SOX5: variants seen among roughly 807,000 people sequenced by gnomAD.
The protein encoded by SOX5 is transcription factor SOX-5.
A neutral mutation model predicts 92.0 loss-of-function variants in SOX5; 9 were observed. The observed-to-expected ratio is 0.10, with a 90% confidence interval of 0.06 to 0.17. SOX5 has a LOEUF of 0.17. Among genes scored for constraint, SOX5 ranks in the 10% least tolerant of loss-of-function variants. SOX5 has a pLI of 1.00. For missense variants in SOX5, 642 were observed against 944.5 expected, an observed-to-expected ratio of 0.68 and a Z score of 4.20; for synonymous variants, 344 against 336.3, an observed-to-expected ratio of 1.02 and a Z score of -0.25.
At chr12:24,106,200 A>AC (rs1177494896) in intron 4 of SOX5, among the ~76,000 whole-genome samples, 4 of 152,188 alleles carry the variant, frequency 2.6e-5, no homozygotes, top group African/African-American at 9.6e-5. Context: ...GAAAAAAAAA[A>AC]AAAAATTAGC....
chr12:24,395,164 T>C (rs1237374830), intron 1 of SOX5, among the ~76,000 whole-genome samples: 1 of 152,058 alleles, frequency 6.6e-6, no homozygotes, highest in Non-Finnish European at 1.5e-5. Context: ...TTACCTAAAA[T>C]GTCCTACCAC....
intron 2 of SOX5, among the ~76,000 whole-genome samples, chr12:24,306,434 A>T (rs910053351): frequency 6.6e-6 from 1 of 152,204 alleles, no homozygotes; most frequent in African/African-American, 2.4e-5. Context: ...TTATTTCCAT[A>T]AAAAAAGCAG....
At chr12:24,422,360 A>G (rs1433534448) in intron 1 of SOX5, among the ~76,000 whole-genome samples, 2 of 152,210 alleles carry the variant, frequency 1.3e-5, no homozygotes, top group Non-Finnish European at 2.9e-5. Context: ...TCAAAAAAAT[A>G]TGAGAAGTGA....
chr12:24,255,006 A>G (rs916702544), intron 3 of SOX5, among the ~76,000 whole-genome samples: 2 of 152,134 alleles, frequency 1.3e-5, no homozygotes, highest in East Asian at 1.9e-4. Flanking sequence ...ATAACAAATG[A>G]AGAGAAACAA....
intron 3 of SOX5, among the ~76,000 whole-genome samples, chr12:23,757,284 T>C (rs953813650): frequency 1.3e-5 from 2 of 151,916 alleles, no homozygotes; most frequent in South Asian, 4.1e-4. Context: ...ATAGCTCTAT[T>C]TTTCACATTT....
chr12:23,647,745 C>T (rs2081045789), intron 7 of SOX5, among the ~76,000 whole-genome samples: 1 of 152,212 alleles, frequency 6.6e-6, no homozygotes, highest in Admixed American at 6.5e-5. Flanking sequence ...GCTTTCTCAT[C>T]TCTCTCAGCC....
chr12:24,216,266 G>A lies in SOX5; in HGVS notation c.-76-2849C>T, dbSNP rs968943041. 3.3e-5 allele frequency among the ~76,000 whole-genome samples: 5 copies of A among 151,130 alleles called. No homozygotes were observed. The East Asian group carries it at 6.0e-4, about 18-fold the overall frequency. ...TGGGAGGCCGAGGCGGACGGATCAC[G>A]AGGTCAGGAGATCAAGACCATCCTG... On this transcript the variant is annotated intron_variant, in intron 3 of 4. Transcript: ENST00000446891.
intron 3 of SOX5, among the ~76,000 whole-genome samples, chr12:24,222,342 AT>A (rs1354956083): frequency 1.3e-5 from 2 of 152,018 alleles, no homozygotes; most frequent in Admixed American, 6.5e-5. Flanking sequence ...GCAATGGTTT[AT>A]TTTGTCTTGG....
At chr12:23,741,692 C>T (rs751662530) in intron 4 of SOX5, among the ~76,000 whole-genome samples, 13 of 152,040 alleles carry the variant, frequency 8.6e-5, no homozygotes, top group South Asian at 8.3e-4. Flanking sequence ...AGTCTATCTT[C>T]GAAAATAAAA....
chr12:24,119,533 C>G (rs1460996835), intron 4 of SOX5, among the ~76,000 whole-genome samples: 3 of 151,922 alleles, frequency 2.0e-5, no homozygotes, highest in Non-Finnish European at 2.9e-5. Flanking sequence ...TATGGAGTAC[C>G]TCTATTTAAC....
chr12:23,634,097 T>G (rs920003500), intron 8 of SOX5, among the ~76,000 whole-genome samples: 1 of 152,146 alleles, frequency 6.6e-6, no homozygotes, highest in African/African-American at 2.4e-5. Flanking sequence ...TATGCTGCTT[T>G]TTTTAATTAA....
intron 1 of SOX5, among the ~76,000 whole-genome samples, chr12:24,538,371 A>G (rs576311729): frequency 6.6e-6 from 1 of 152,244 alleles, no homozygotes; most frequent in East Asian, 1.9e-4. Flanking sequence ...GAATCACTGA[A>G]CTTTGACCTG....
chr12:23,748,419 A>C (rs2094069340), intron 4 of SOX5, among the ~76,000 whole-genome samples: 1 of 152,056 alleles, frequency 6.6e-6, no homozygotes, highest in Non-Finnish European at 1.5e-5. Context: ...AAAAACATCG[A>C]AATAATAAGA....
chr12:24,138,087 G>A (rs764735853), intron 4 of SOX5, among the ~76,000 whole-genome samples: 1 of 152,192 alleles, frequency 6.6e-6, no homozygotes, highest in Non-Finnish European at 1.5e-5. Flanking sequence ...CTATTTTGGA[G>A]GCCACAAATA....
At chr12:24,034,569 G>T (rs902973957) in intron 4 of SOX5, among the ~76,000 whole-genome samples, 1 of 101,070 alleles carries the variant, frequency 9.9e-6, no homozygotes, top group African/African-American at 3.4e-5. Flanking sequence ...TGCTCGGGAG[G>T]ATTTTTTTTT....
intron 3 of SOX5, among the ~76,000 whole-genome samples, chr12:23,803,338 G>A (rs2095698831): frequency 6.6e-6 from 1 of 152,134 alleles, no homozygotes; most frequent in Admixed American, 6.5e-5. Flanking sequence ...TCTTACAACA[G>A]TTAATGGCAC....
chr12:23,940,743 A>G (rs1285631840), intron 1 of SOX5, among the ~76,000 whole-genome samples: 2 of 96,862 alleles, frequency 2.1e-5, no homozygotes, highest in African/African-American at 1.0e-4. Context: ...GGAGATAAGT[A>G]TTACACACAC....
chr12:23,692,538 A>G (rs2089051484), intron 6 of SOX5, among the ~76,000 whole-genome samples: 1 of 152,178 alleles, frequency 6.6e-6, no homozygotes, highest in Admixed American at 6.5e-5. Flanking sequence ...ATTCTACAAC[A>G]GTTCCTGAGA....
chr12:24,140,855 C>T (rs986584699), intron 4 of SOX5, among the ~76,000 whole-genome samples: 1 of 152,080 alleles, frequency 6.6e-6, no homozygotes, highest in African/African-American at 2.4e-5. Flanking sequence ...TCAATAAAAA[C>T]TGAAGTTAGC....
Sources: allele counts gnomAD v4.1 joint callset (sites outside exome capture counted in the v4.1 genomes callset), GRCh38; gene constraint gnomAD v4.1.1; transcripts MANE v1.5; gene names NCBI Gene and HGNC (gene_info 2026-07-23, HGNC 2026-07-21).